NCAM1: variants seen among roughly 807,000 people sequenced by gnomAD.
The protein encoded by NCAM1 is antigen recognized by monoclonal antibody 5.1H11.
Under a neutral mutation model 109.8 loss-of-function variants are expected in NCAM1, and 14 were observed. The ratio of observed to expected loss-of-function variants is 0.13; its 90% CI spans 0.08 to 0.20. The LOEUF (loss-of-function observed/expected upper bound fraction) is 0.20, where lower values mean the gene tolerates loss of function less well. Among genes scored for constraint, NCAM1 ranks in the 10% least tolerant of loss-of-function variants. NCAM1 has a pLI of 1.00. For missense variants in NCAM1, 774 were observed against 1,109.9 expected, an observed-to-expected ratio of 0.70 and a Z score of 4.30; for synonymous variants, 418 against 442.9, an observed-to-expected ratio of 0.94 and a Z score of 0.70.
intron 1 of NCAM1, among the ~76,000 whole-genome samples, chr11:113,143,831 T>G (rs1234913204): frequency 1.3e-5 from 2 of 152,162 alleles, no homozygotes; most frequent in Non-Finnish European, 2.9e-5. Context: ...CTGTGTCTTA[T>G]TTGCGGCATG....
chr11:112,962,216 TG>T lies in NCAM1; in HGVS notation c.52+556del, dbSNP rs1287208279. On this transcript the variant is annotated intron_variant, in intron 1 of 19. Transcript: ENST00000316851. This position sits in a 1 kb window ranked among gnomAD's most constrained non-coding sequence, Gnocchi z 5.6. ...CCCAGAAGAATAACGGTTTGCAAAATGGGGCAAAATGGGCAGAATCGCACGG... is the reference window on the plus strand; with the variant it reads ...CCCAGAAGAATAACGGTTTGCAAAATGGGCAAAATGGGCAGAATCGCACGG... Among the ~76,000 whole-genome samples, 1 of 152,136 alleles carries T rather than the reference TG, an allele frequency of 6.6e-6. No homozygotes were observed. Among genetic ancestry groups the T allele is most frequent in the African/African-American group, 2.4e-5 (1 of 41,434 alleles).
chr11:113,076,768 A>C (rs1338059829), intron 1 of NCAM1, among the ~76,000 whole-genome samples: 2 of 152,242 alleles, frequency 1.3e-5, no homozygotes, highest in Admixed American at 1.3e-4. Context: ...AGCTGAATAG[A>C]AATTGATAAA....
In NCAM1 at chr11:113,186,657, G is replaced by A. The variant is rs553747637; in HGVS notation, c.53-15722G>A. Among the ~76,000 whole-genome samples, 461 of 152,296 alleles carry A rather than the reference G, an allele frequency of 3.0e-3. 2 individuals carry two copies. Among genetic ancestry groups the A allele is most frequent in the African/African-American group, 0.011 (442 of 41,556 alleles). On this transcript the variant is annotated intron_variant, in intron 1 of 19. Coordinates refer to ENST00000316851, the MANE Select transcript of NCAM1 (RefSeq NM_181351.5). ...ATCGGCACTCTGGGGGCCTGGGTTGGTGTTTCATGGGAGAAAGAATCCAGA... is the reference window on the plus strand; with the variant it reads ...ATCGGCACTCTGGGGGCCTGGGTTGATGTTTCATGGGAGAAAGAATCCAGA...
chr11:113,144,847 G>A (rs1941957436), intron 1 of NCAM1, among the ~76,000 whole-genome samples: 1 of 152,216 alleles, frequency 6.6e-6, no homozygotes, highest in African/African-American at 2.4e-5. Context: ...CATAATAGGT[G>A]TTGAGAAATG....
At chr11:112,965,329 C>A (rs1950703219) in intron 1 of NCAM1, among the ~76,000 whole-genome samples, 1 of 151,952 alleles carries the variant, frequency 6.6e-6, no homozygotes, top group Non-Finnish European at 1.5e-5. Context: ...CTGAAGGCAG[C>A]AATAAGAAGG....
chr11:113,087,092 T>C (rs1372866014), intron 1 of NCAM1, among the ~76,000 whole-genome samples: 1 of 152,238 alleles, frequency 6.6e-6, no homozygotes, highest in Non-Finnish European at 1.5e-5. Flanking sequence ...AAATGCAAAT[T>C]TTAACCAGAG....
At chr11:113,158,387 G>T (rs1383694299) in intron 1 of NCAM1, among the ~76,000 whole-genome samples, 1 of 152,180 alleles carries the variant, frequency 6.6e-6, no homozygotes, top group African/African-American at 2.4e-5. Flanking sequence ...TGAAAAACGT[G>T]GCTAGTTGAG....
At chr11:113,009,312 G>GTTTTTTTGTTTTTTTT (rs1555073910) in intron 1 of NCAM1, among the ~76,000 whole-genome samples, 2 of 79,656 alleles carry the variant, frequency 2.5e-5, no homozygotes, top group South Asian at 5.9e-4. Context: ...GTTTTTTCGG[G>GTTTTTTTGTTTTTTTT]TTTTTTTTTT....
chr11:113,037,723 A>G (rs1555079417), intron 1 of NCAM1, among the ~76,000 whole-genome samples: 1 of 152,090 alleles, frequency 6.6e-6, no homozygotes, highest in Non-Finnish European at 1.5e-5. Context: ...TCCTTTTTCA[A>G]TGCTGCGGGC....
chr11:113,111,149 G>A (rs1485925479), intron 1 of NCAM1, among the ~76,000 whole-genome samples: 1 of 152,152 alleles, frequency 6.6e-6, no homozygotes, highest in African/African-American at 2.4e-5. Context: ...TTTGGGTGAA[G>A]TAATATTCCA....
chr11:113,269,977 T>A, intron 17 of NCAM1: 1 of 593,462 alleles, frequency 1.7e-6, no homozygotes, highest in South Asian at 2.0e-5. Context: ...ATCTGTGAGA[T>A]GATGTTGTCA....
chr11:113,094,921 G>A (rs1166022800), intron 1 of NCAM1, among the ~76,000 whole-genome samples: 3 of 152,162 alleles, frequency 2.0e-5, no homozygotes, highest in African/African-American at 7.2e-5. Flanking sequence ...TATGCAAACA[G>A]CCATAGGTGT....
intron 1 of NCAM1, among the ~76,000 whole-genome samples, chr11:113,080,559 C>T (rs1222781670): frequency 2.0e-5 from 3 of 151,138 alleles, no homozygotes; most frequent in Non-Finnish European, 4.4e-5. Context: ...GAGCAAGCAT[C>T]TGCCCAGTTG....
At chr11:112,985,253 CTT>C (rs10630754) in intron 1 of NCAM1, among the ~76,000 whole-genome samples, 1 of 143,148 alleles carries the variant, frequency 7.0e-6, no homozygotes. Context: ...GTCTATGTAT[CTT>C]TTTTTTTTTT....
At chr11:113,270,583 T>C in intron 18 of NCAM1, 188 bp downstream of exon 18, 1 of 608,178 alleles carries the variant, frequency 1.6e-6, no homozygotes, top group Non-Finnish European at 2.9e-6. Flanking sequence ...GGTTACCTGT[T>C]TGAAATGTAG....
At chr11:113,115,221 A>G (rs974234641) in intron 1 of NCAM1, among the ~76,000 whole-genome samples, 1 of 152,180 alleles carries the variant, frequency 6.6e-6, no homozygotes, top group Non-Finnish European at 1.5e-5. Context: ...AAGTTACTTT[A>G]ACCCAGATGT....
chr11:113,223,840 A>T (rs1555115727), intron 9 of NCAM1, among the ~76,000 whole-genome samples: 2 of 152,184 alleles, frequency 1.3e-5, no homozygotes. Flanking sequence ...GCAGGTCAGC[A>T]CAGCCCTTTA....
At chr11:113,237,879 TATAGATATATAG>T (rs1555118536) in intron 14 of NCAM1, among the ~76,000 whole-genome samples, 54 of 73,616 alleles carry the variant, frequency 7.3e-4, no homozygotes, top group African/African-American at 2.4e-3. Context: ...TATAGATATA[TATAGATATATAG>T]ATATAGATAT....
At chr11:113,109,866 C>T (rs899082699) in intron 1 of NCAM1, among the ~76,000 whole-genome samples, 2 of 151,960 alleles carry the variant, frequency 1.3e-5, no homozygotes, top group Admixed American at 6.6e-5. Flanking sequence ...ATAGTGTGGA[C>T]CTGATGTTTG....
Sources: gnomAD v4.1 joint callset for allele counts (sites outside exome capture counted in the v4.1 genomes callset) on GRCh38, gnomAD v4.1.1 for gene constraint, Gnocchi (gnomAD v3.1) non-coding constraint, MANE v1.5 for transcripts, NCBI Gene and HGNC (gene_info 2026-07-23, HGNC 2026-07-21) for gene names.